The following PTPRD variants were observed in gnomAD, a reference collection of about 807,000 sequenced individuals.
PTPRD encodes protein tyrosine phosphatase receptor type D, also known as receptor-type tyrosine-protein phosphatase delta.
In PTPRD, 34 loss-of-function variants were observed where a neutral mutation model predicts 214.5. The ratio of observed to expected loss-of-function variants is 0.16; its 90% CI spans 0.12 to 0.21. The LOEUF is 0.21. PTPRD is among the 10% of genes least tolerant of loss of function. The pLI, the probability that PTPRD is intolerant of heterozygous loss-of-function variation, is 1.00. For missense variants in PTPRD, 2,545 were observed against 2,398.7 expected (o/e 1.06, Z -1.27); for synonymous variants, 1,128 against 845.7 (o/e 1.33, Z -5.79).
intron 7 of PTPRD, among the ~76,000 whole-genome samples, chr9:9,698,887 T>C (rs1431768861): frequency 6.6e-6 from 1 of 152,216 alleles, no homozygotes; most frequent in Non-Finnish European, 1.5e-5. Context: ...ATGGAGTTTT[T>C]ACTTCTCTGT....
intron 4 of PTPRD, among the ~76,000 whole-genome samples, chr9:10,012,865 C>G (rs987726977): frequency 7.9e-5 from 12 of 151,842 alleles, no homozygotes; most frequent in African/African-American, 2.9e-4. Flanking sequence ...CACAAAATAA[C>G]AGAAGACATA....
At chr9:9,957,020 A>C (rs1338366585) in intron 4 of PTPRD, among the ~76,000 whole-genome samples, 1 of 152,196 alleles carries the variant, frequency 6.6e-6, no homozygotes, top group African/African-American at 2.4e-5. Flanking sequence ...GCTCAAGTTA[A>C]GTTGAAATTT....
In PTPRD at chr9:9,424,969, G is replaced by C. The variant is rs1452479162; in HGVS notation, c.-236-27487C>G. On this transcript the variant is annotated intron_variant, in intron 8 of 45. Coordinates refer to ENST00000381196, the MANE Select transcript of PTPRD (RefSeq NM_002839.4). The stretch of plus-strand genomic sequence containing the variant: ...TACCTACTACTTAAAGCTGGACTGG[G>C]TCTGTGACTTGCTTTGACCGGTAGA... Among the ~76,000 whole-genome samples, 25 of 152,272 alleles carry C rather than the reference G, an allele frequency of 1.6e-4. No homozygotes were observed. In the East Asian group the frequency reaches 4.0e-3, roughly 25 times the overall value.
intron 14 of PTPRD, among the ~76,000 whole-genome samples, chr9:8,556,250 T>C (rs923461067): frequency 6.6e-6 from 1 of 152,230 alleles, no homozygotes; most frequent in African/African-American, 2.4e-5. Context: ...TTAACTTTAC[T>C]ATGTCCAGAG....
At position 10,383,401 on chromosome 9, in the gene PTPRD, C is replaced by A. The variant is rs1197147408; in HGVS notation, c.-599-42384G>T. Among the ~76,000 whole-genome samples, 15 of 151,802 alleles carry A rather than the reference C, an allele frequency of 9.9e-5. 1 individual carries two copies. Among genetic ancestry groups the A allele is most frequent in the Admixed American group, 9.2e-4 (14 of 15,180 alleles). On this transcript the variant is annotated intron_variant, in intron 2 of 45. Transcript: ENST00000381196. ...TAATGTTCTCATTTCAGTTATGACA[C>A]ATTTCAAAGGATGGGACTATATGTC...
chr9:10,124,871 G>T (rs10958891), intron 3 of PTPRD, among the ~76,000 whole-genome samples: 21,512 of 152,108 alleles, frequency 0.14, 1,629 homozygotes, highest in South Asian at 0.27. Flanking sequence ...TCTATTTGTG[G>T]ATGTTTTAAA....
At chr9:8,800,239 T>C (rs1024986276) in intron 11 of PTPRD, among the ~76,000 whole-genome samples, 2 of 152,082 alleles carry the variant, frequency 1.3e-5, no homozygotes, top group African/African-American at 2.4e-5. Context: ...TTTTAAGGCA[T>C]GTATATTTAA....
chr9:8,810,956 T>G (rs976809739), intron 11 of PTPRD, among the ~76,000 whole-genome samples: 1 of 152,180 alleles, frequency 6.6e-6, no homozygotes. Context: ...ACTTTCCAAC[T>G]GTACCTGCTG....
At chr9:9,293,926 T>G (rs1952092825) in intron 9 of PTPRD, among the ~76,000 whole-genome samples, 1 of 151,652 alleles carries the variant, frequency 6.6e-6, no homozygotes, top group Non-Finnish European at 1.5e-5. Flanking sequence ...CCTAAAGGAA[T>G]CACTTAATAG....
intron 9 of PTPRD, among the ~76,000 whole-genome samples, chr9:9,297,787 A>C (rs1373754724): frequency 6.6e-6 from 1 of 151,682 alleles, no homozygotes; most frequent in African/African-American, 2.4e-5. Context: ...GATGAGAGTA[A>C]GATATTAATA....
intron 9 of PTPRD, among the ~76,000 whole-genome samples, chr9:9,354,041 C>T (rs912839674): frequency 1.3e-5 from 2 of 151,746 alleles, no homozygotes; most frequent in African/African-American, 4.8e-5. Flanking sequence ...CTGCTCTGAG[C>T]TCCTTGTCCC....
At chr9:10,539,471 C>T (rs1289829457) in intron 2 of PTPRD, among the ~76,000 whole-genome samples, 2 of 152,224 alleles carry the variant, frequency 1.3e-5, no homozygotes, top group Non-Finnish European at 2.9e-5. Flanking sequence ...AGGCGTGAGC[C>T]ACCACGCCTG....
At chr9:8,544,612 G>A (rs1307674777) in intron 14 of PTPRD, among the ~76,000 whole-genome samples, 1 of 151,550 alleles carries the variant, frequency 6.6e-6, no homozygotes, top group African/African-American at 2.4e-5. Flanking sequence ...TGGGATTACA[G>A]GCGCCAGCCA....
chr9:8,782,524 C>T (rs1276568231), intron 11 of PTPRD, among the ~76,000 whole-genome samples: 2 of 151,392 alleles, frequency 1.3e-5, no homozygotes, highest in African/African-American at 4.9e-5. Context: ...ACACCCTTTT[C>T]AAGGTAAATG....
At chr9:10,119,572 G>A (rs1046488348) in intron 3 of PTPRD, among the ~76,000 whole-genome samples, 4 of 151,874 alleles carry the variant, frequency 2.6e-5, no homozygotes, top group Admixed American at 1.3e-4. Context: ...TAAAATAAAC[G>A]TGTCAAAGAT....
At chr9:9,852,991 T>C (rs951447211) in intron 5 of PTPRD, among the ~76,000 whole-genome samples, 8 of 152,180 alleles carry the variant, frequency 5.3e-5, no homozygotes, top group Non-Finnish European at 8.8e-5. Flanking sequence ...GCACACTAAA[T>C]AGGATCACCC....
chr9:9,266,550 C>T (rs1303228482), intron 9 of PTPRD, among the ~76,000 whole-genome samples: 1 of 149,660 alleles, frequency 6.7e-6, no homozygotes, highest in Non-Finnish European at 1.5e-5. Context: ...TATCAAGCAT[C>T]TTCACTGACC....
chr9:9,200,735 C>T (rs765357698), intron 9 of PTPRD, among the ~76,000 whole-genome samples: 2 of 152,186 alleles, frequency 1.3e-5, no homozygotes, highest in Non-Finnish European at 2.9e-5. Context: ...AAGAAATACC[C>T]TGGATAATCA....
intron 8 of PTPRD, among the ~76,000 whole-genome samples, chr9:9,569,650 G>C (rs2085733284): frequency 6.6e-6 from 1 of 151,574 alleles, no homozygotes; most frequent in African/African-American, 2.4e-5. Flanking sequence ...GAGGGAGCAA[G>C]ATAACATACA....
Sources: allele counts gnomAD v4.1 joint callset (sites outside exome capture counted in the v4.1 genomes callset), GRCh38; gene constraint gnomAD v4.1.1; transcripts MANE v1.5; gene names NCBI Gene and HGNC (gene_info 2026-07-23, HGNC 2026-07-21).